Variants in ULK4 observed in about 807,000 individuals in gnomAD.
The protein encoded by ULK4 is unc-51 like kinase 4.
A neutral mutation model predicts 160.6 loss-of-function variants in ULK4; 133 were observed. The ratio of observed to expected loss-of-function variants is 0.83; its 90% confidence interval spans 0.72 to 0.96. The LOEUF is 0.96. Ranked by LOEUF, ULK4 falls within the 40% of genes least tolerant of loss-of-function variation. ULK4 has a pLI of 0.00. For synonymous variants in ULK4, 534 were observed against 539.8 expected (o/e 0.99, Z 0.15); for missense variants, 1,580 against 1,499.5 (o/e 1.05, Z -0.89).
chr3:41,733,854 C>T (rs577470111), intron 22 of ULK4, among the ~76,000 whole-genome samples: 3 of 151,506 alleles, frequency 2.0e-5, no homozygotes, highest in African/African-American at 7.3e-5. Context: ...CCTGCCTCAG[C>T]CTCCCAAGTA....
At chr3:41,330,540 G>T (rs1219190798) in intron 35 of ULK4, among the ~76,000 whole-genome samples, 1 of 152,338 alleles carries the variant, frequency 6.6e-6, no homozygotes, top group Middle Eastern at 3.4e-3. Context: ...CATCAATGAC[G>T]CTGTAAGAAG....
At chr3:41,845,437 A>T (rs1314255126) in intron 17 of ULK4, among the ~76,000 whole-genome samples, 1 of 152,244 alleles carries the variant, frequency 6.6e-6, no homozygotes, top group Non-Finnish European at 1.5e-5. Context: ...AAAAGGTTAC[A>T]AACCATATGA....
intron 12 of ULK4, among the ~76,000 whole-genome samples, chr3:41,904,036 T>C (rs1302349486): frequency 2.0e-5 from 3 of 150,756 alleles, no homozygotes; most frequent in Admixed American, 6.6e-5. Context: ...CCGGGAATTA[T>C]ATCGTAAATA....
chr3:41,825,165 C>T (rs59248949), intron 18 of ULK4, among the ~76,000 whole-genome samples: 38,126 of 151,914 alleles, frequency 0.25, 5,876 homozygotes, highest in African/African-American at 0.44. Context: ...CCCATCTGTA[C>T]ATCACCATCA....
intron 25 of ULK4, among the ~76,000 whole-genome samples, chr3:41,713,336 T>C (rs2037165971): frequency 6.6e-6 from 1 of 152,160 alleles, no homozygotes; most frequent in African/African-American, 2.4e-5. Context: ...CTCTCAACAA[T>C]TCACAATAAT....
chr3:41,434,923 C>T (rs566005195), intron 34 of ULK4, among the ~76,000 whole-genome samples: 95 of 152,278 alleles, frequency 6.2e-4, no homozygotes, highest in African/African-American at 2.2e-3. Flanking sequence ...AGGTTAAACA[C>T]TGAATTTTCT....
chr3:41,557,284 C>CCTCTTGTTTCCTGACTTT (rs1559391293), intron 32 of ULK4, among the ~76,000 whole-genome samples: 2 of 151,778 alleles, frequency 1.3e-5, no homozygotes, highest in East Asian at 1.9e-4. Flanking sequence ...CTATTTGAAA[C>CCTCTTGTTTCCTGACTTT]TTGTAAATAG....
chr3:41,827,690 A>G (rs185916927), intron 18 of ULK4, among the ~76,000 whole-genome samples: 1 of 152,350 alleles, frequency 6.6e-6, no homozygotes, highest in Non-Finnish European at 1.5e-5. Context: ...TCAGGACTAG[A>G]TGGATTCACA....
intron 18 of ULK4, among the ~76,000 whole-genome samples, chr3:41,834,302 A>G (rs73830514): frequency 0.072 from 10,982 of 152,072 alleles, 1,252 homozygotes; most frequent in African/African-American, 0.24. Flanking sequence ...ATATGTAAAT[A>G]CTACTTTTGT....
intron 34 of ULK4, among the ~76,000 whole-genome samples, chr3:41,404,225 CA>C (rs1364052108): frequency 2.1e-5 from 2 of 95,118 alleles, no homozygotes; most frequent in Admixed American, 1.2e-4. Context: ...TTAGCTCTAT[CA>C]TTTTTTTTTT....
chr3:41,879,373 G>A (rs963922375), intron 17 of ULK4, among the ~76,000 whole-genome samples: 10 of 152,140 alleles, frequency 6.6e-5, no homozygotes, highest in Admixed American at 6.5e-4. Flanking sequence ...GAAAAAGGGA[G>A]AGGGGGAATG....
intron 30 of ULK4, among the ~76,000 whole-genome samples, chr3:41,645,792 T>A (rs2034460997): frequency 6.6e-6 from 1 of 152,218 alleles, no homozygotes; most frequent in Non-Finnish European, 1.5e-5. Flanking sequence ...GACAGTAGGG[T>A]GTCAAAGTCT....
chr3:41,871,428 T>C (rs1201515328), intron 17 of ULK4, among the ~76,000 whole-genome samples: 1 of 152,230 alleles, frequency 6.6e-6, no homozygotes, highest in Non-Finnish European at 1.5e-5. Context: ...ATGTTTAGTT[T>C]ACCAAATGGC....
intron 34 of ULK4, among the ~76,000 whole-genome samples, chr3:41,417,266 A>G (rs779827155): frequency 1.3e-5 from 2 of 152,196 alleles, no homozygotes; most frequent in Admixed American, 6.5e-5. Context: ...CTGAGCTAAG[A>G]TAAGGATGTT....
intron 5 of ULK4, among the ~76,000 whole-genome samples, chr3:41,923,427 G>A (rs1262268202): frequency 6.6e-6 from 1 of 152,118 alleles, no homozygotes; most frequent in East Asian, 1.9e-4. Flanking sequence ...TGAACCCGGA[G>A]ACAGAGGTTG....
At chr3:41,412,579 G>A (rs1034591705) in intron 34 of ULK4, among the ~76,000 whole-genome samples, 1 of 31,438 alleles carries the variant, frequency 3.2e-5, no homozygotes, top group Non-Finnish European at 6.7e-5. Flanking sequence ...TTTTTTTTTT[G>A]AGACAGAGTC....
At chr3:41,357,811 T>C (rs546876374) in intron 35 of ULK4, among the ~76,000 whole-genome samples, 24 of 152,340 alleles carry the variant, frequency 1.6e-4, no homozygotes, top group Non-Finnish European at 2.9e-4. Context: ...CAACCTACTG[T>C]GGCAGGAGTC....
At chr3:41,859,992 A>G (rs1240910367) in intron 17 of ULK4, among the ~76,000 whole-genome samples, 1 of 151,810 alleles carries the variant, frequency 6.6e-6, no homozygotes, top group Non-Finnish European at 1.5e-5. Context: ...TAATTTCTTC[A>G]CTGACCCACT....
intron 32 of ULK4, among the ~76,000 whole-genome samples, chr3:41,545,944 C>A (rs1338161318): frequency 6.6e-6 from 1 of 152,036 alleles, no homozygotes; most frequent in Non-Finnish European, 1.5e-5. Context: ...TTATATGGTT[C>A]TTCTTTATAG....
Sources: allele counts gnomAD v4.1 joint callset (sites outside exome capture counted in the v4.1 genomes callset), GRCh38; gene constraint gnomAD v4.1.1; transcripts MANE v1.5; gene names NCBI Gene and HGNC (gene_info 2026-07-23, HGNC 2026-07-21).